FSTL4: variants seen among roughly 807,000 people sequenced by gnomAD.
The protein encoded by FSTL4 is follistatin like 4, also known as follistatin-related protein 4.
FSTL4 carries 28 observed loss-of-function variants against 78.2 expected under a neutral mutation model. The ratio of observed to expected loss-of-function variants is 0.36; its 90% CI spans 0.27 to 0.49. FSTL4 has a LOEUF of 0.49. Ranked by LOEUF, FSTL4 falls within the 20% of genes least tolerant of loss-of-function variation. The pLI, the probability that FSTL4 is intolerant of heterozygous loss-of-function variation, is 0.98. For missense variants in FSTL4, 922 were observed against 1,084.9 expected, an observed-to-expected ratio of 0.85 and a Z score of 2.11; for synonymous variants, 422 against 440.5, an observed-to-expected ratio of 0.96 and a Z score of 0.53.
At chr5:133,437,485 G>GTTTTTT (rs11401684) in intron 3 of FSTL4, among the ~76,000 whole-genome samples, 20 of 95,370 alleles carry the variant, frequency 2.1e-4, no homozygotes, top group South Asian at 3.7e-4. Context: ...GTAAATAGGT[G>GTTTTTT]TTTTTTTTTT....
chr5:133,822,084 G>A, the FSTL4 span, among the ~76,000 whole-genome samples: 1 of 152,214 alleles, frequency 6.6e-6, no homozygotes, highest in African/African-American at 2.4e-5. Flanking sequence ...AAAGAGAAAA[G>A]CTGATATGAC....
At chr5:133,813,490 CTGTGGGGACCT>C in the FSTL4 span, among the ~76,000 whole-genome samples, 1 of 152,158 alleles carries the variant, frequency 6.6e-6, no homozygotes, top group Non-Finnish European at 1.5e-5. Context: ...CTATATTGAA[CTGTGGGGACCT>C]AAAATAACCA....
intron 3 of FSTL4, among the ~76,000 whole-genome samples, chr5:133,475,559 T>G (rs572256893): frequency 1.3e-5 from 2 of 152,350 alleles, no homozygotes; most frequent in South Asian, 4.1e-4. Flanking sequence ...CCTGCTACTC[T>G]CTTCTCTATG....
chr5:133,545,544 G>A (rs891699925), intron 3 of FSTL4, among the ~76,000 whole-genome samples: 4 of 152,104 alleles, frequency 2.6e-5, no homozygotes, highest in Non-Finnish European at 5.9e-5. Context: ...CCAGAATTGT[G>A]AGCCAAAACA....
At chr5:133,287,441 A>G (rs1397550870) in intron 6 of FSTL4, among the ~76,000 whole-genome samples, 4 of 152,010 alleles carry the variant, frequency 2.6e-5, no homozygotes, top group Admixed American at 6.6e-5. Context: ...GGAGGTGAAC[A>G]CTATTGCTGG....
intron 4 of FSTL4, among the ~76,000 whole-genome samples, chr5:133,353,123 A>G (rs1047982135): frequency 3.9e-5 from 6 of 152,144 alleles, no homozygotes; most frequent in Admixed American, 3.3e-4. Context: ...TTAACTTCCC[A>G]GTATAAAGAT....
the FSTL4 span, among the ~76,000 whole-genome samples, chr5:133,674,611 C>CTG: frequency 0.03 from 4,156 of 138,440 alleles, 202 homozygotes; most frequent in African/African-American, 0.1. Context: ...GTGTGTGTGT[C>CTG]TGTGTGTGTG....
chr5:133,221,912 T>TTTTG (rs1561626822), intron 11 of FSTL4, among the ~76,000 whole-genome samples: 2,198 of 113,922 alleles, frequency 0.019, 88 homozygotes, highest in African/African-American at 0.097. Flanking sequence ...TTTTTTTTTT[T>TTTTG]TTTTTTTTTT....
At chr5:133,673,445 C>G in the FSTL4 span, among the ~76,000 whole-genome samples, 1 of 152,208 alleles carries the variant, frequency 6.6e-6, no homozygotes, top group Non-Finnish European at 1.5e-5. Flanking sequence ...CCGGATATTC[C>G]TTCCCTAAAA....
At chr5:133,700,450 C>T in the FSTL4 span, among the ~76,000 whole-genome samples, 27 of 152,144 alleles carry the variant, frequency 1.8e-4, no homozygotes, top group African/African-American at 6.5e-4. Flanking sequence ...CACACCAAAC[C>T]ATCACACCAA....
In FSTL4 at chr5:133,517,439, A is replaced by ATATATATAT. The variant is rs1221892095; in HGVS notation, c.160+49746_160+49747insATATATATA. Among the ~76,000 whole-genome samples, 40 of 32,088 alleles carry ATATATATAT rather than the reference A, an allele frequency of 1.2e-3. 1 individual carries two copies. The highest frequency in any genetic ancestry group is 4.1e-3 in the African/African-American group (27 of 6,556). 21.1% of individuals were successfully genotyped at this position (32,088 alleles called of 152,430 possible). A position where few individuals can be genotyped will look rare whatever the true frequency, so the allele number is the denominator to read the frequency against. On this transcript the variant is annotated intron_variant, in intron 3 of 15. Transcript: ENST00000265342. ...CTCCATCTCAAAAAAAAAAAAAAAA[A>ATATATATAT]AAAAAAAAATATATATATATATATG... is the stretch of plus-strand genomic sequence containing the variant.
intron 3 of FSTL4, among the ~76,000 whole-genome samples, chr5:133,512,381 A>G (rs1758753388): frequency 6.6e-6 from 1 of 152,208 alleles, no homozygotes; most frequent in African/African-American, 2.4e-5. Flanking sequence ...AACAACTATG[A>G]TCTGTGATCT....
the FSTL4 span, among the ~76,000 whole-genome samples, chr5:133,655,150 C>G: frequency 6.6e-6 from 1 of 152,206 alleles, no homozygotes; most frequent in Admixed American, 6.5e-5. Context: ...TCCATCTAGT[C>G]TGGAACCAGG....
chr5:133,217,476 CCTCT>C lies in FSTL4; in HGVS notation c.1459-102_1459-99del, dbSNP rs915810113. ...CCTGACCCTCCTCTGTGCCTTTCTTCCTCTCTCTTAGAATCCTTTGGATCCATAG... is the reference window on the plus strand; with the variant it reads ...CCTGACCCTCCTCTGTGCCTTTCTTCCTCTTAGAATCCTTTGGATCCATAG... On this transcript the variant is annotated intron_variant, in intron 12 of 15. Coordinates refer to ENST00000265342, the MANE Select transcript of FSTL4 (RefSeq NM_015082.2). 26 of 1,145,896 alleles carry C rather than the reference CCTCT, an allele frequency of 2.3e-5. 1 individual carries two copies. In the South Asian group the frequency reaches 3.5e-4, roughly 15 times the overall value. The allele number at this position is 1,145,896 out of a possible 1,614,324, so 71.0% of individuals were successfully genotyped here. A position where few individuals can be genotyped will look rare whatever the true frequency, so the allele number is the denominator to read the frequency against.
intron 4 of FSTL4, among the ~76,000 whole-genome samples, chr5:133,351,027 T>TTAGTGGAAGGCAACTAGTAATATCTGC: frequency 6.6e-6 from 1 of 152,296 alleles, no homozygotes; most frequent in Non-Finnish European, 1.5e-5. Context: ...GGGAAGATGT[T>TTAGTGGAAGGCAACTAGTAATATCTGC]TAGTGGAAGG....
At chr5:133,395,975 G>A (rs1756033019) in intron 4 of FSTL4, among the ~76,000 whole-genome samples, 2 of 152,270 alleles carry the variant, frequency 1.3e-5, no homozygotes, top group South Asian at 4.2e-4. Context: ...ATGAACTTGG[G>A]TGGCTCCTTA....
the FSTL4 span, among the ~76,000 whole-genome samples, chr5:133,646,773 T>C: frequency 6.6e-6 from 1 of 152,044 alleles, no homozygotes; most frequent in East Asian, 1.9e-4. Context: ...TGTGGTGCCA[T>C]TTATTGAGTT....
At chr5:133,514,505 G>A (rs925704779) in intron 3 of FSTL4, among the ~76,000 whole-genome samples, 10 of 152,194 alleles carry the variant, frequency 6.6e-5, no homozygotes, top group Admixed American at 1.3e-4. Flanking sequence ...GAGAAGAAAA[G>A]GAGCAGATGT....
the FSTL4 span, among the ~76,000 whole-genome samples, chr5:133,742,074 T>A: frequency 6.6e-6 from 1 of 152,246 alleles, no homozygotes. Context: ...TATGGCTTTC[T>A]TGCATGGGGT....
Sources: allele counts gnomAD v4.1 joint callset (sites outside exome capture counted in the v4.1 genomes callset), GRCh38; gene constraint gnomAD v4.1.1; transcripts MANE v1.5; gene names NCBI Gene and HGNC (gene_info 2026-07-23, HGNC 2026-07-21).